FAM151A: variants seen among roughly 807,000 people sequenced by gnomAD.
FAM151A encodes the protein family with sequence similarity 151 member A, also known as protein FAM151A.
FAM151A carries 41 observed loss-of-function variants against 40.4 expected under a neutral mutation model. That is an observed-to-expected ratio of 1.01 (90% CI 0.79 to 1.32). The LOEUF (loss-of-function observed/expected upper bound fraction) is 1.32. Ranked by LOEUF, FAM151A falls within the 40% of genes most tolerant of loss-of-function variation. FAM151A has a pLI of 0.00. For missense variants in FAM151A, 740 were observed against 740.4 expected, an observed-to-expected ratio of 1.00 and a Z score of 0.01; for synonymous variants, 337 against 312.5, an observed-to-expected ratio of 1.08 and a Z score of -0.83.
intron 1 of FAM151A, among the ~76,000 whole-genome samples, chr1:54,622,275 CAAAAAA>C (rs34730286): frequency 2.2e-5 from 1 of 45,932 alleles, no homozygotes; most frequent in African/African-American, 9.0e-5. Context: ...GACTCTGTCT[CAAAAAA>C]AAAAAAAAAA....
chr1:54,610,651 C>T, intron 6 of FAM151A, 96 bp from the exon 7 acceptor site: 1 of 1,502,588 alleles, frequency 6.7e-7, no homozygotes, highest in Non-Finnish European at 8.9e-7. Flanking sequence ...CTACGGGCAT[C>T]CTCTCTAAGC....
chr1:54,614,938 G>C, intron 3 of FAM151A, 79 bp from the exon 4 acceptor site: 1 of 1,280,756 alleles, frequency 7.8e-7, no homozygotes, highest in African/African-American at 1.7e-5. Context: ...AAAGCAGAGC[G>C]GGTGTGTGTG....
chr1:54,615,927 G>A, intron 3 of FAM151A, 93 bp downstream of exon 3: 1 of 1,339,030 alleles, frequency 7.5e-7, no homozygotes, highest in Non-Finnish European at 1.0e-6. Flanking sequence ...CTCGTGTCAG[G>A]GCTGGACTTG....
Position 54,619,943 on chromosome 1 carries a change from C to A in FAM151A, c.183G>T (p.Gln61His). Residue 61 changes from glutamine to histidine, a missense_variant, in exon 2 of 8, where the codon CAG becomes CAT. Physicochemically the swap from Gln to His is conservative, Grantham distance 24. Transcript: ENST00000302250. ...CCTCCAAGGCATCTCGCCGGCTGAT[C>A]TGGCCCAGGCTCAGCAGGTAGTCCA... The part of the protein sequence containing the change: ...DMLDYLLSLG[Q>H]ISRRDALEVT... 6.2e-7 allele frequency: 1 copy of A among 1,614,216 alleles called. No individual in the cohort carries two copies. The highest frequency in any genetic ancestry group is 1.3e-5 in the African/African-American group (1 of 75,058).
chr1:54,610,701 T>G, intron 6 of FAM151A, 146 bp from the exon 7 acceptor site: 4 of 1,416,550 alleles, frequency 2.8e-6, no homozygotes, highest in Non-Finnish European at 3.7e-6. Flanking sequence ...TTCCTTGCCT[T>G]GTAGACTAGA....
chr1:54,620,135 G>A (rs947259254), intron 1 of FAM151A, 128 bp from the exon 2 acceptor site: 11 of 983,630 alleles, frequency 1.1e-5, no homozygotes, highest in Non-Finnish European at 1.6e-5. Flanking sequence ...GGGACGGTGA[G>A]GCTCAGACTC....
chr1:54,622,912 C>T (rs938350002), intron 1 of FAM151A, among the ~76,000 whole-genome samples: 1 of 151,972 alleles, frequency 6.6e-6, no homozygotes, highest in Non-Finnish European at 1.5e-5. Context: ...TGATGACTCA[C>T]ACCTGTAATC....
At chr1:54,617,765 C>G (rs1388568137) in intron 2 of FAM151A, among the ~76,000 whole-genome samples, 1 of 124,810 alleles carries the variant, frequency 8.0e-6, no homozygotes, top group Non-Finnish European at 1.6e-5. Flanking sequence ...GCTCTGTTGC[C>G]CAGGCTGGAG....
Position 54,609,530 on chromosome 1 carries a change from T to TCATG in FAM151A, c.1495_1496insCATG (p.Glu499AlafsTer2). ...AGGTTGCCAGAGCCCCTGGCACAAC[T>TCATG]CTAGCATATCTGTGAGCAGCTGTTC... is the stretch of plus-strand genomic sequence containing the variant. On this transcript the variant is annotated stop_gained and frameshift_variant, in exon 8 of 8. Transcript: ENST00000302250. LOFTEE classifies it low-confidence loss of function (END_TRUNC). 1 of 1,612,998 alleles carries TCATG rather than the reference T, an allele frequency of 6.2e-7. No individual in the cohort carries two copies. Among genetic ancestry groups the TCATG allele is most frequent in the Non-Finnish European group, 8.5e-7 (1 of 1,180,034 alleles).
intron 6 of FAM151A, 62 bp from the exon 7 acceptor site, chr1:54,610,617 G>A: frequency 6.3e-7 from 1 of 1,575,784 alleles, no homozygotes; most frequent in Non-Finnish European, 8.6e-7. Context: ...TTACCTGGTT[G>A]CTAGGGTCCC....
intron 1 of FAM151A, 60 bp downstream of exon 1, chr1:54,623,217 TG>T: frequency 9.4e-7 from 1 of 1,062,480 alleles, no homozygotes; most frequent in Non-Finnish European, 1.4e-6. Context: ...AAGTGAGAAG[TG>T]GGGATAAGGA....
At chr1:54,613,389 A>C (rs975368923) in intron 4 of FAM151A, among the ~76,000 whole-genome samples, 5 of 151,820 alleles carry the variant, frequency 3.3e-5, no homozygotes, top group South Asian at 2.1e-4. Context: ...AAAAAAAAAA[A>C]ACTTTTTTTC....
chr1:54,618,872 G>A (rs563027411), intron 2 of FAM151A, among the ~76,000 whole-genome samples: 1 of 152,116 alleles, frequency 6.6e-6, no homozygotes, highest in African/African-American at 2.4e-5. Context: ...TCATCTACAA[G>A]AATTAAATAA....
At chr1:54,611,420 A>G (rs567497761) in intron 6 of FAM151A, among the ~76,000 whole-genome samples, 186 bp downstream of exon 6, 1 of 152,234 alleles carries the variant, frequency 6.6e-6, no homozygotes, top group African/African-American at 2.4e-5. Flanking sequence ...ATAAATAAAA[A>G]TAAAATGGAT....
chr1:54,614,450 C>A (rs1194362372), intron 4 of FAM151A, among the ~76,000 whole-genome samples: 2 of 152,040 alleles, frequency 1.3e-5, no homozygotes, highest in African/African-American at 4.8e-5. Flanking sequence ...GGTTGAGGGG[C>A]CCAGAGGAAG....
chr1:54,615,543 T>A (rs866776857), intron 3 of FAM151A, among the ~76,000 whole-genome samples: 1 of 151,780 alleles, frequency 6.6e-6, no homozygotes, highest in Admixed American at 6.6e-5. Flanking sequence ...CCTGGAGAGA[T>A]ACAGTGTTGC....
chr1:54,614,573 G>T, intron 4 of FAM151A, 127 bp downstream of exon 4: 2 of 930,566 alleles, frequency 2.1e-6, no homozygotes, highest in African/African-American at 1.7e-5. Flanking sequence ...ATGTGCAAAG[G>T]CTCAGAGGTG....
In FAM151A at chr1:54,620,845, C is replaced by CAAAAAAAAAAAAAA. The variant is rs767625864; in HGVS notation, c.119-852_119-839dup. ...CCTGGATGACACAAAGAGACTCTGT[C>CAAAAAAAAAAAAAA]AAAAAAAAAAAAAAAAAAAAAAAAA... On this transcript the variant is annotated intron_variant, in intron 1 of 7. Coordinates refer to ENST00000302250, the MANE Select transcript of FAM151A (RefSeq NM_176782.3). 5.8e-4 allele frequency among the ~76,000 whole-genome samples: 7 copies of CAAAAAAAAAAAAAA among 12,132 alleles called. 1 individual carries two copies. Among genetic ancestry groups the CAAAAAAAAAAAAAA allele is most frequent in the African/African-American group, 9.4e-4 (3 of 3,198 alleles). 8.0% of individuals were successfully genotyped at this position (12,132 alleles called of 152,430 possible).
At chr1:54,610,008 G>C (rs1245666564) in intron 7 of FAM151A, 67 bp from the exon 8 acceptor site, 4 of 1,522,928 alleles carry the variant, frequency 2.6e-6, no homozygotes, top group Non-Finnish European at 3.5e-6. Context: ...AGAGTCCCTT[G>C]TTAAAGGGGC....
Sources: gnomAD v4.1 joint callset for allele counts (sites outside exome capture counted in the v4.1 genomes callset) on GRCh38, gnomAD v4.1.1 for gene constraint, MANE v1.5 for transcripts, NCBI Gene and HGNC (gene_info 2026-07-23, HGNC 2026-07-21) for gene names.